NR0B2: variants seen among roughly 807,000 people sequenced by gnomAD.
NR0B2 encodes nuclear receptor SHP.
Under a neutral mutation model 18.9 loss-of-function variants are expected in NR0B2, and 17 were observed. The ratio of observed to expected loss-of-function variants is 0.90; its 90% CI spans 0.62 to 1.35. The LOEUF is 1.35. NR0B2 is among the 40% of genes most tolerant of loss of function. The probability of loss-of-function intolerance (pLI) is 0.00; values close to 1 mark genes in which losing one functional copy is unlikely to be tolerated. For missense variants in NR0B2, 312 were observed against 333.3 expected, an observed-to-expected ratio of 0.94 and a Z score of 0.50; for synonymous variants, 116 against 138.5, an observed-to-expected ratio of 0.84 and a Z score of 1.14.
chr1:26,913,662 G>A lies in NR0B2; in HGVS notation c.279C>T (p.Gly93=). 6.2e-7 allele frequency: 1 copy of A among 1,613,710 alleles called. No individual in the cohort carries two copies. The highest frequency in any genetic ancestry group is 8.5e-7 in the Non-Finnish European group (1 of 1,179,886). The part of the protein sequence containing the change: ...DQRRLLQGCW[G]PLFLLGLAQD... Reference sequence around the variant, plus strand: ...GGGCCAACCCAAGCAGGAAGAGGGGGCCCCAGCAACCCTGCAGCAGCCGCC... The same window carrying A: ...GGGCCAACCCAAGCAGGAAGAGGGGACCCCAGCAACCCTGCAGCAGCCGCC... Residue 93 remains glycine (G), a synonymous_variant, in exon 1 of 2, where the codon GGC becomes GGT. Transcript: ENST00000254227.
Position 26,913,911 on chromosome 1 carries a change from T to G in NR0B2, c.30A>C (p.Pro10=), listed in dbSNP as rs2082046388. 6.7e-7 allele frequency: 1 copy of G among 1,481,652 alleles called. No individual in the cohort carries two copies. Among genetic ancestry groups the G allele is most frequent in the African/African-American group, 1.4e-5 (1 of 71,224 alleles). The allele number at this position is 1,481,652 out of a possible 1,614,324, so 91.8% of individuals were successfully genotyped here. MSTSQPGAC[P]CQGAASRPAI... ...CGGGGCGGCTTGCAGCTCCCTGGCA[T>G]GGGCAGGCCCCTGGTTGGCTGGTGC... Residue 10 remains proline (P), a synonymous_variant, in exon 1 of 2, where the codon CCA becomes CCC. Transcript: ENST00000254227.
rs41303639 is a variant in NR0B2, at chr1:26,911,744, G to C, written c.*101C>G. 0.067 allele frequency: 94,768 copies of C among 1,408,634 alleles called. 3,410 individuals carry two copies. Among genetic ancestry groups the C allele is most frequent in the Non-Finnish European group, 0.074 (73,894 of 1,000,740 alleles). The allele number at this position is 1,408,634 out of a possible 1,614,324, so 87.3% of individuals were successfully genotyped here. On this transcript the variant is annotated 3_prime_UTR_variant, in exon 2 of 2. Coordinates refer to ENST00000254227, the MANE Select transcript of NR0B2 (RefSeq NM_021969.3). ...AAGGAGCCAAGTGCTGTCTATACAG[G>C]CTTGCCCCCTCCAGGAGCATTGGGT...
At position 26,912,084 on chromosome 1, in the gene NR0B2, C is replaced by T; in HGVS notation, c.535G>A (p.Val179Met). 1 of 1,613,452 alleles carries T rather than the reference C, an allele frequency of 6.2e-7. No individual in the cohort carries two copies. The highest frequency in any genetic ancestry group is 8.5e-7 in the Non-Finnish European group (1 of 1,180,022). The change falls in exon 2 of 2, where the codon GTG (valine) becomes ATG (methionine). Residue 179 changes from valine (V) to methionine (M), a missense_variant and splice_region_variant. Transcript: ENST00000254227. ...TGGGAGGCGGCTTGGAGGCCTGGCA[C>T]ATCTGTGGGCAGAGAGGGAGAAGAG... ...LKGTILFNPD[V>M]PGLQAASHIG... is the part of the protein sequence containing the mutation.
intron 1 of NR0B2, among the ~76,000 whole-genome samples, chr1:26,912,751 A>C (rs1162379587): frequency 1.3e-5 from 2 of 152,050 alleles, no homozygotes; most frequent in African/African-American, 2.4e-5. Context: ...TTAGCTCTAG[A>C]GCTTCACCAT....
Position 26,913,320 on chromosome 1 carries a change from A to G in NR0B2, c.532+89T>C, listed in dbSNP as rs769218796. On this transcript the variant is annotated intron_variant, in intron 1 of 1. Transcript: ENST00000254227. ...AAAAAGAAAATGAGGACCCAATGAG[A>G]TAACAGATATCAAACCCTTAGAAGC... is the stretch of plus-strand genomic sequence containing the variant. 18 of 1,158,318 alleles carry G rather than the reference A, an allele frequency of 1.6e-5. No homozygotes were observed. In the East Asian group the frequency reaches 3.0e-4, roughly 20 times the overall value. The allele number at this position is 1,158,318 out of a possible 1,614,324, so 71.8% of individuals were successfully genotyped here.
At chr1:26,913,286 C>G (rs2082039104) in intron 1 of NR0B2, 123 bp downstream of exon 1, 2 of 920,946 alleles carry the variant, frequency 2.2e-6, no homozygotes, top group South Asian at 1.4e-5. Flanking sequence ...GACTCTGTCT[C>G]AGAAAAATAA....
chr1:26,913,662 G>T lies in NR0B2; in HGVS notation c.279C>A (p.Gly93=). Residue 93 remains glycine (G), a synonymous_variant, in exon 1 of 2, where the codon GGC becomes GGA. Transcript: ENST00000254227. ...DQRRLLQGCW[G]PLFLLGLAQD... ...GGGCCAACCCAAGCAGGAAGAGGGG[G>T]CCCCAGCAACCCTGCAGCAGCCGCC... is the stretch of plus-strand genomic sequence containing the variant. The T allele has an allele frequency of 6.2e-7, 1 of 1,613,710 alleles. No homozygotes were observed. The highest frequency in any genetic ancestry group is 8.5e-7 in the Non-Finnish European group (1 of 1,179,886).
At chr1:26,912,229 T>C in intron 1 of NR0B2, 143 bp from the exon 2 acceptor site, 2 of 817,682 alleles carry the variant, frequency 2.4e-6, no homozygotes, top group Non-Finnish European at 3.9e-6. Context: ...TACCTCCTCC[T>C]TTAGAGGAGG....
At position 26,913,484 on chromosome 1, in the gene NR0B2, GA is replaced by G; in HGVS notation, c.456del (p.Leu153TrpfsTer17). The G allele has an allele frequency of 3.7e-6, 6 of 1,614,066 alleles. No homozygotes were observed. Among genetic ancestry groups the G allele is most frequent in the Non-Finnish European group, 5.1e-6 (6 of 1,179,968 alleles). ...AGCTCCAGGCTCCAGAAGGACTCCAGACAGCATTGAAGCCACTGCACCGCAG... is the reference window on the plus strand; with the variant it reads ...AGCTCCAGGCTCCAGAAGGACTCCAGCAGCATTGAAGCCACTGCACCGCAG... Reference protein sequence around the residue: ...SLAAVQWLQCCLESFWSLELS... With the variant: ...SLAAVQWLQCXLESFWSLELS... On this transcript the variant is annotated frameshift_variant, in exon 1 of 2. Coordinates refer to ENST00000254227, the MANE Select transcript of NR0B2 (RefSeq NM_021969.3). LOFTEE classifies it high-confidence loss of function.
rs1348533347 is a variant in NR0B2 at position 26,913,453 on chromosome 1, G to A, written c.488C>T (p.Pro163Leu). ...CCCTTTCAGGCAGGCATATTCCTTG[G>A]GGCTAAGCTCCAGGCTCCAGAAGGA... ...LESFWSLELS[P>L]KEYACLKGTI... is the part of the protein sequence containing the mutation. Residue 163 changes from proline to leucine, a missense_variant, in exon 1 of 2, where the codon CCC (proline) becomes CTC (leucine). Pro to Leu is a moderately conservative substitution (Grantham distance 98). Coordinates refer to ENST00000254227, the MANE Select transcript of NR0B2 (RefSeq NM_021969.3). 15 of 1,613,922 alleles carry A rather than the reference G, an allele frequency of 9.3e-6. No individual in the cohort carries two copies. In the Admixed American group the frequency reaches 2.2e-4, roughly 23 times the overall value.
In NR0B2 at chr1:26,913,526, G is replaced by T. The variant is rs372581033; in HGVS notation, c.415C>A (p.Pro139Thr). 5 of 1,613,620 alleles carry T rather than the reference G, an allele frequency of 3.1e-6. No homozygotes were observed. The South Asian group carries it at 3.3e-5, about 11-fold the overall frequency. The change falls in exon 1 of 2, where the codon CCC (proline) becomes ACC (threonine). Residue 139 changes from proline to threonine, a missense_variant. Physicochemically the swap from Pro to Thr is conservative, Grantham distance 38. Coordinates refer to ENST00000254227, the MANE Select transcript of NR0B2 (RefSeq NM_021969.3). Reference protein sequence around the residue: ...SGGSGQLPDRPQPSLAAVQWL... With the variant: ...SGGSGQLPDRTQPSLAAVQWL... ...TGCACCGCAGCCAGGGAGGGCTGGG[G>T]TCTGTCTGGCAGTTGGCCACTGCCT...
At position 26,913,665 on chromosome 1, in the gene NR0B2, C is replaced by A; in HGVS notation, c.276G>T (p.Trp92Cys). 1 of 1,613,686 alleles carries A rather than the reference C, an allele frequency of 6.2e-7. No homozygotes were observed. The highest frequency in any genetic ancestry group is 8.5e-7 in the Non-Finnish European group (1 of 1,179,864). ...CCAACCCAAGCAGGAAGAGGGGGCCCCAGCAACCCTGCAGCAGCCGCCGCT... is the reference window on the plus strand; with the variant it reads ...CCAACCCAAGCAGGAAGAGGGGGCCACAGCAACCCTGCAGCAGCCGCCGCT... ...QDQRRLLQGCWGPLFLLGLAQ... is the reference protein window; with the variant it reads ...QDQRRLLQGCCGPLFLLGLAQ... The change falls in exon 1 of 2, where the codon TGG (tryptophan) becomes TGT (cysteine). Residue 92 changes from tryptophan to cysteine, a missense_variant. By Grantham distance (215) the Trp-to-Cys change is radical (BLOSUM62 -2). Transcript: ENST00000254227.
rs772957341 is a variant in NR0B2, at chr1:26,913,626, C to T, written c.315G>A (p.Val105=). Residue 105 remains valine (V), a synonymous_variant, in exon 1 of 2, where the codon GTG becomes GTA. Coordinates refer to ENST00000254227, the MANE Select transcript of NR0B2 (RefSeq NM_021969.3). ...CCGGGGCCTCAGCCACCTCAAAGGT[C>T]ACAGCATCTTGGGCCAACCCAAGCA... ...LFLLGLAQDA[V]TFEVAEAPVP... The T allele has an allele frequency of 6.2e-7, 1 of 1,614,050 alleles. No homozygotes were observed. The highest frequency in any genetic ancestry group is 8.5e-7 in the Non-Finnish European group (1 of 1,180,002).
At chr1:26,913,254 T>A (rs865877927) in intron 1 of NR0B2, among the ~76,000 whole-genome samples, 155 bp downstream of exon 1, 10 of 152,020 alleles carry the variant, frequency 6.6e-5, no homozygotes, top group South Asian at 4.2e-4. Context: ...ACCACTGCAC[T>A]CCAGACTGGG....
At position 26,913,887 on chromosome 1, in the gene NR0B2, G is replaced by T. The variant is rs780830830; in HGVS notation, c.54C>A (p.Pro18=). Residue 18 remains proline, a synonymous_variant, in exon 1 of 2, where the codon CCC becomes CCA. Coordinates refer to ENST00000254227, the MANE Select transcript of NR0B2 (RefSeq NM_021969.3). ...AGCTCAGAAGTGCGTAGAGAATGGC[G>T]GGGCGGCTTGCAGCTCCCTGGCATG... ...ACPCQGAASR[P]AILYALLSSS... 1.3e-6 allele frequency: 2 copies of T among 1,487,750 alleles called. No homozygotes were observed. Among genetic ancestry groups the T allele is most frequent in the Non-Finnish European group, 1.8e-6 (2 of 1,117,030 alleles). 92.2% of individuals were successfully genotyped at this position (1,487,750 alleles called of 1,614,324 possible). A position where few individuals can be genotyped will look rare whatever the true frequency, so the allele number is the denominator to read the frequency against.
At position 26,913,807 on chromosome 1, in the gene NR0B2, C is replaced by T. The variant is rs150546920; in HGVS notation, c.134G>A (p.Arg45Gln). ...PRSRCLCRQH[R>Q]PVQLCAPHRT... ...ATGAGGTGCACATAGCTGGACGGGC[C>T]GGTGCTGCCTACATAGGCAGCGGCT... The change falls in exon 1 of 2, where the codon CGG becomes CAG. Residue 45 changes from arginine to glutamine, a missense_variant. By Grantham distance (43) the Arg-to-Gln change is conservative. Transcript: ENST00000254227. 1.0e-4 allele frequency: 155 copies of T among 1,526,314 alleles called. No individual in the cohort carries two copies. The African/African-American group carries it at 1.5e-3, about 15-fold the overall frequency. The allele number at this position is 1,526,314 out of a possible 1,614,324, so 94.5% of individuals were successfully genotyped here.
chr1:26,913,264 G>T, intron 1 of NR0B2, 145 bp downstream of exon 1: 2 of 780,240 alleles, frequency 2.6e-6, no homozygotes, highest in Middle Eastern at 3.5e-4. Context: ...TCCAGACTGG[G>T]TGACAGAGTG....
chr1:26,913,871 G>A lies in NR0B2; in HGVS notation c.70C>T (p.Leu24Phe), dbSNP rs758142941. ...AASRPAILYA[L>F]LSSSLKAVPR... is the part of the protein sequence containing the mutation. ...ACAGCCTTGAGGCTGGAGCTCAGAA[G>A]TGCGTAGAGAATGGCGGGGCGGCTT... The change falls in exon 1 of 2, where the codon CTT (leucine) becomes TTT (phenylalanine). Residue 24 changes from leucine (L) to phenylalanine (F), a missense_variant. Coordinates refer to ENST00000254227, the MANE Select transcript of NR0B2 (RefSeq NM_021969.3). The A allele has an allele frequency of 2.7e-6, 4 of 1,500,026 alleles. No individual in the cohort carries two copies. The African/African-American group carries it at 4.2e-5, about 16-fold the overall frequency. The allele number at this position is 1,500,026 out of a possible 1,614,324, so 92.9% of individuals were successfully genotyped here. A position where few individuals can be genotyped will look rare whatever the true frequency, so the allele number is the denominator to read the frequency against.
At position 26,913,643 on chromosome 1, in the gene NR0B2, AC is replaced by A. The variant is rs750152150; in HGVS notation, c.297del (p.Leu100TrpfsTer6). The A allele has an allele frequency of 1.9e-6, 3 of 1,613,700 alleles. No homozygotes were observed. Among genetic ancestry groups the A allele is most frequent in the Non-Finnish European group, 1.7e-6 (2 of 1,179,930 alleles). On this transcript the variant is annotated frameshift_variant, in exon 1 of 2. Coordinates refer to ENST00000254227, the MANE Select transcript of NR0B2 (RefSeq NM_021969.3). LOFTEE classifies it high-confidence loss of function. ...TCAAAGGTCACAGCATCTTGGGCCAACCCAAGCAGGAAGAGGGGGCCCCAGC... is the reference window on the plus strand; with the variant it reads ...TCAAAGGTCACAGCATCTTGGGCCAACCAAGCAGGAAGAGGGGGCCCCAGC... Reference protein sequence around the residue: ...QGCWGPLFLLGLAQDAVTFEV... With the variant: ...QGCWGPLFLLXLAQDAVTFEV...
Sources: gnomAD v4.1 joint callset for allele counts (sites outside exome capture counted in the v4.1 genomes callset) on GRCh38, gnomAD v4.1.1 for gene constraint, MANE v1.5 for transcripts, NCBI Gene and HGNC (gene_info 2026-07-23, HGNC 2026-07-21) for gene names.